TMEM236: variants seen among roughly 807,000 people sequenced by gnomAD.
TMEM236 encodes the protein transmembrane protein 236, also known as family with sequence similarity 23, member A.
Under a neutral mutation model 14.7 loss-of-function variants are expected in TMEM236, and 11 were observed. The ratio of observed to expected loss-of-function variants is 0.75; its 90% confidence interval spans 0.47 to 1.24. The LOEUF (loss-of-function observed/expected upper bound fraction) is 1.24. Among genes scored for constraint, TMEM236 ranks in the 50% most tolerant of loss-of-function variants. The pLI is 0.00. For missense variants in TMEM236, 464 were observed against 427.3 expected, an observed-to-expected ratio of 1.09 and a Z score of -0.76; for synonymous variants, 182 against 168.6, an observed-to-expected ratio of 1.08 and a Z score of -0.62.
chr10:17,794,019 G>T (rs916032611), intron 3 of TMEM236, among the ~76,000 whole-genome samples: 3 of 152,232 alleles, frequency 2.0e-5, no homozygotes, highest in African/African-American at 7.2e-5. Flanking sequence ...CATACTGGAA[G>T]TAATGTGTCA....
intron 1 of TMEM236, among the ~76,000 whole-genome samples, chr10:17,757,617 T>A (rs1050946623): frequency 8.1e-5 from 12 of 148,838 alleles, no homozygotes; most frequent in African/African-American, 2.8e-4. Context: ...AAAAAAAAGC[T>A]ATGTAATGGG....
At chr10:17,781,891 G>A (rs893414976) in intron 3 of TMEM236, among the ~76,000 whole-genome samples, 1 of 151,890 alleles carries the variant, frequency 6.6e-6, no homozygotes, top group Non-Finnish European at 1.5e-5. Context: ...TTTCATTTGG[G>A]GGAAAAAAAA....
intron 1 of TMEM236, among the ~76,000 whole-genome samples, chr10:17,754,791 G>T (rs1433347967): frequency 1.3e-5 from 2 of 152,070 alleles, no homozygotes; most frequent in African/African-American, 4.8e-5. Flanking sequence ...CCACATAAGG[G>T]TATTGAGAAC....
intron 1 of TMEM236, among the ~76,000 whole-genome samples, chr10:17,759,588 C>G (rs1415161990): frequency 6.6e-6 from 1 of 152,090 alleles, no homozygotes; most frequent in Non-Finnish European, 1.5e-5. Context: ...AAAGTAAGAG[C>G]AAATATTTAT....
intron 1 of TMEM236, among the ~76,000 whole-genome samples, chr10:17,754,361 C>T (rs1837252220): frequency 6.6e-6 from 1 of 152,022 alleles, no homozygotes; most frequent in Non-Finnish European, 1.5e-5. Flanking sequence ...GGCTCTGTTG[C>T]CCAGGTTGGA....
At chr10:17,789,897 G>A (rs996233591) in intron 3 of TMEM236, among the ~76,000 whole-genome samples, 9 of 152,082 alleles carry the variant, frequency 5.9e-5, no homozygotes, top group African/African-American at 1.9e-4. Context: ...GGGGGCGGGC[G>A]CCTGTAGTCC....
In TMEM236 at chr10:17,796,869, C is replaced by G; in HGVS notation, c.*365C>G. 1 of 276,862 alleles carries G rather than the reference C, an allele frequency of 3.6e-6. No individual in the cohort carries two copies. The highest frequency in any genetic ancestry group is 6.9e-6 in the Non-Finnish European group (1 of 145,766). The allele number at this position is 276,862 out of a possible 1,614,324, so 17.2% of individuals were successfully genotyped here. A position where few individuals can be genotyped will look rare whatever the true frequency, so the allele number is the denominator to read the frequency against. On this transcript the variant is annotated 3_prime_UTR_variant, in exon 4 of 4. Coordinates refer to ENST00000377495, the MANE Select transcript of TMEM236 (RefSeq NM_001098844.3). ...TGGTGAACCTCAAACTGAGCGTTCC[C>G]GCCTGCATTCCGCCTCCTGTCAGAT...
chr10:17,781,477 C>A (rs1837746959), intron 3 of TMEM236, among the ~76,000 whole-genome samples: 1 of 151,986 alleles, frequency 6.6e-6, no homozygotes. Context: ...GTGGCTCACG[C>A]CTGTAATCCC....
In TMEM236 at chr10:17,776,111, T is replaced by G; in HGVS notation, c.413T>G (p.Leu138Arg). 1 of 1,613,804 alleles carries G rather than the reference T, an allele frequency of 6.2e-7. No individual in the cohort carries two copies. The highest frequency in any genetic ancestry group is 1.1e-5 in the South Asian group (1 of 91,076). Residue 138 changes from leucine to arginine, a missense_variant, in exon 3 of 4, where the codon CTG (leucine) becomes CGG (arginine). Coordinates refer to ENST00000377495, the MANE Select transcript of TMEM236 (RefSeq NM_001098844.3). ...DLPVSLVLLS[L>R]IMVDIIEKLR... ...CCCGTATCTCTGGTTCTGTTATCCC[T>G]GATCATGGTTGATATTATTGAAAAA...
intron 1 of TMEM236, among the ~76,000 whole-genome samples, chr10:17,757,839 G>T (rs879046672): frequency 6.6e-6 from 1 of 151,926 alleles, no homozygotes; most frequent in East Asian, 1.9e-4. Flanking sequence ...CATGATATCC[G>T]CTCACTGCAA....
intron 3 of TMEM236, among the ~76,000 whole-genome samples, chr10:17,776,935 G>C (rs1174544508): frequency 6.6e-6 from 1 of 152,026 alleles, no homozygotes; most frequent in Non-Finnish European, 1.5e-5. Context: ...AATTTCTTGC[G>C]GTAGTATCTG....
chr10:17,752,319 G>T lies in TMEM236; in HGVS notation c.24G>T (p.Lys8Asn). The T allele has an allele frequency of 6.2e-7, 1 of 1,613,900 alleles. No individual in the cohort carries two copies. The highest frequency in any genetic ancestry group is 8.5e-7 in the Non-Finnish European group (1 of 1,179,858). Residue 8 changes from lysine to asparagine, a missense_variant, in exon 1 of 4, where the codon AAG becomes AAT. Coordinates refer to ENST00000377495, the MANE Select transcript of TMEM236 (RefSeq NM_001098844.3). ...GGATGGCTTCTGGAAGGCTCATTAAGTTCGTGGTTTTTGAGCTCCTAGAGT... is the reference window on the plus strand; with the variant it reads ...GGATGGCTTCTGGAAGGCTCATTAATTTCGTGGTTTTTGAGCTCCTAGAGT... MASGRLI[K>N]FVVFELLEFA... is the part of the protein sequence containing the mutation.
chr10:17,762,616 T>TAC (rs1483138456), intron 1 of TMEM236, among the ~76,000 whole-genome samples: 2,226 of 53,448 alleles, frequency 0.042, 25 homozygotes, highest in Middle Eastern at 0.068. Flanking sequence ...TATATATATA[T>TAC]ATACACACAT....
At chr10:17,779,099 A>G (rs895206355) in intron 3 of TMEM236, among the ~76,000 whole-genome samples, 55 of 152,338 alleles carry the variant, frequency 3.6e-4, no homozygotes, top group Middle Eastern at 6.8e-3. Context: ...CAAGAATACA[A>G]AGGATAGCCT....
At chr10:17,783,811 A>G (rs1212101334) in intron 3 of TMEM236, among the ~76,000 whole-genome samples, 1 of 152,192 alleles carries the variant, frequency 6.6e-6, no homozygotes, top group Non-Finnish European at 1.5e-5. Context: ...GCAAAATAGT[A>G]GTAGTTGTAG....
rs1429668130 is a variant in TMEM236 at position 17,800,178 on chromosome 10, G to A, written c.*3674G>A. 2 of 151,292 alleles carry A rather than the reference G, an allele frequency of 1.3e-5. No homozygotes were observed. Among genetic ancestry groups the A allele is most frequent in the Non-Finnish European group, 2.9e-5 (2 of 67,938 alleles). 9.4% of individuals were successfully genotyped at this position (151,292 alleles called of 1,614,324 possible). On this transcript the variant is annotated 3_prime_UTR_variant, in exon 4 of 4. Coordinates refer to ENST00000377495, the MANE Select transcript of TMEM236 (RefSeq NM_001098844.3). ...ACCCGGAGGGCAGAGGTTGCAGTGA[G>A]CTGAGATCTCGCCACTATGCTCCAG...
chr10:17,773,073 C>G lies in TMEM236; in HGVS notation c.330+1692C>G, dbSNP rs1224035743. 5.9e-5 allele frequency among the ~76,000 whole-genome samples: 9 copies of G among 152,178 alleles called. 1 individual carries two copies. Among genetic ancestry groups the G allele is most frequent in the South Asian group, 4.1e-4 (2 of 4,830 alleles). ...TCATAATTTACTTATCTGTTCTACT[C>G]TTGGTCGCCATCTTGGTTGTTTCCA... On this transcript the variant is annotated intron_variant, in intron 2 of 3. Transcript: ENST00000377495.
intron 1 of TMEM236, 155 bp from the exon 2 acceptor site, chr10:17,771,154 C>T: frequency 2.8e-6 from 2 of 701,798 alleles, no homozygotes; most frequent in South Asian, 3.4e-5. Flanking sequence ...TTCCTCTTTG[C>T]CATATGCAAA....
chr10:17,777,516 G>A (rs1422236254), intron 3 of TMEM236, among the ~76,000 whole-genome samples: 3 of 152,130 alleles, frequency 2.0e-5, no homozygotes, highest in African/African-American at 7.2e-5. Flanking sequence ...CTGACCTAGA[G>A]TTCTTGAGCT....
Sources: allele counts gnomAD v4.1 joint callset (sites outside exome capture counted in the v4.1 genomes callset), GRCh38; gene constraint gnomAD v4.1.1; transcripts MANE v1.5; gene names NCBI Gene and HGNC (gene_info 2026-07-23, HGNC 2026-07-21).